Variants in PARP1 observed in about 807,000 individuals in gnomAD.
The protein encoded by PARP1 is poly [ADP-ribose] polymerase 1.
In PARP1, 44 loss-of-function variants were observed where a neutral mutation model predicts 118.7. That is an observed-to-expected ratio of 0.37 (90% confidence interval 0.29 to 0.48). The LOEUF is 0.48. Among genes scored for constraint, PARP1 ranks in the 20% least tolerant of loss-of-function variants. PARP1 has a pLI of 0.99. For synonymous variants in PARP1, 492 were observed against 483.2 expected (o/e 1.02, Z -0.24); for missense variants, 1,100 against 1,272.4 (o/e 0.86, Z 2.06).
rs147348031 is a variant in PARP1 at position 226,374,118 on chromosome 1, T to C, written c.2070+108A>G. On this transcript the variant is annotated intron_variant, in intron 14 of 22. Transcript: ENST00000366794. ...ACAGGTACAAGAAGCTGACAGCCAATGTATTGTTTTTGAAACAGAAACAAG... is the reference window on the plus strand; with the variant it reads ...ACAGGTACAAGAAGCTGACAGCCAACGTATTGTTTTTGAAACAGAAACAAG... 160 of 1,277,640 alleles carry C rather than the reference T, an allele frequency of 1.3e-4. 2 individuals carry two copies. The African/African-American group carries it at 1.6e-3, about 13-fold the overall frequency. 79.1% of individuals were successfully genotyped at this position (1,277,640 alleles called of 1,614,324 possible). A position where few individuals can be genotyped will look rare whatever the true frequency, so the allele number is the denominator to read the frequency against.
intron 15 of PARP1, 88 bp from the exon 16 acceptor site, chr1:226,368,409 G>C: frequency 6.4e-7 from 1 of 1,558,460 alleles, no homozygotes; most frequent in Non-Finnish European, 8.8e-7. Context: ...GGTGGGTGCT[G>C]CAGCAGGTCC....
At position 226,381,162 on chromosome 1, in the gene PARP1, G is replaced by C. The variant is rs1445213816; in HGVS notation, c.1206C>G (p.Ser402=). 5 of 1,614,048 alleles carry C rather than the reference G, an allele frequency of 3.1e-6. No individual in the cohort carries two copies. The highest frequency in any genetic ancestry group is 1.6e-4 in the Middle Eastern group (1 of 6,062). ...NMKILTLGKL[S]RNKDEVKAMI... ...TGGCCTTCACTTCATCCTTGTTCCGGGACAGCTTCCCGAGAGTCAGGATCT... is the reference window on the plus strand; with the variant it reads ...TGGCCTTCACTTCATCCTTGTTCCGCGACAGCTTCCCGAGAGTCAGGATCT... The change falls in exon 9 of 23, where the codon TCC becomes TCG. Residue 402 remains serine, a synonymous_variant. Transcript: ENST00000366794.
At chr1:226,396,302 C>A (rs569754128) in intron 2 of PARP1, among the ~76,000 whole-genome samples, 4 of 151,732 alleles carry the variant, frequency 2.6e-5, no homozygotes, top group Non-Finnish European at 2.9e-5. Flanking sequence ...GCCATGATTG[C>A]GCCACTGTAC....
chr1:226,392,463 T>C (rs1317655553), intron 2 of PARP1, 149 bp from the exon 3 acceptor site: 10 of 718,118 alleles, frequency 1.4e-5, no homozygotes, highest in African/African-American at 3.5e-5. Flanking sequence ...ATCTGTCTGT[T>C]TGTAACAACC....
intron 20 of PARP1, among the ~76,000 whole-genome samples, chr1:226,363,514 G>C (rs1247745894): frequency 6.6e-6 from 1 of 152,180 alleles, no homozygotes; most frequent in Non-Finnish European, 1.5e-5. Context: ...ACAGGACTAG[G>C]GTCGATGTCC....
chr1:226,389,123 G>A (rs1005401137), intron 4 of PARP1, among the ~76,000 whole-genome samples: 13 of 152,072 alleles, frequency 8.5e-5, no homozygotes, highest in Non-Finnish European at 1.9e-4. Context: ...GGTTCTAGCC[G>A]GGACTAGGCT....
In PARP1 at chr1:226,377,261, G is replaced by A. The variant is rs761065646; in HGVS notation, c.1788C>T (p.Ile596=). ...GCATCTGTTCCAGTTTGTTGCTACCGATCACCGTACCCACACGGCCCCAGG... is the reference window on the plus strand; with the variant it reads ...GCATCTGTTCCAGTTTGTTGCTACCAATCACCGTACCCACACGGCCCCAGG... The part of the protein sequence containing the change: ...FRSWGRVGTV[I]GSNKLEQMPS... The change falls in exon 13 of 23, where the codon ATC becomes ATT. Residue 596 remains isoleucine (I), a synonymous_variant. Transcript: ENST00000366794. 3.2e-5 allele frequency: 51 copies of A among 1,613,826 alleles called. No individual in the cohort carries two copies. Among genetic ancestry groups the A allele is most frequent in the African/African-American group, 4.0e-5 (3 of 74,878 alleles).
chr1:226,362,261 G>A, intron 21 of PARP1, 178 bp from the exon 22 acceptor site: 1 of 575,362 alleles, frequency 1.7e-6, no homozygotes, highest in Non-Finnish European at 3.1e-6. Context: ...CTTCAGCTCA[G>A]TGCAACCTCC....
At chr1:226,401,859 T>A (rs1665043956) in intron 2 of PARP1, 6 of 760,458 alleles carry the variant, frequency 7.9e-6, no homozygotes, top group Non-Finnish European at 1.2e-5. Flanking sequence ...ACAAATGTAC[T>A]ACTCTGGTGG....
At position 226,407,845 on chromosome 1, in the gene PARP1, G is replaced by C; in HGVS notation, c.85C>G (p.Pro29Ala). The C allele has an allele frequency of 6.3e-7, 1 of 1,599,628 alleles. No homozygotes were observed. Among genetic ancestry groups the C allele is most frequent in the East Asian group, 2.3e-5 (1 of 43,880 alleles). The change falls in exon 1 of 23, where the codon CCC becomes GCC. Residue 29 changes from proline to alanine, a missense_variant. Physicochemically the swap from Pro to Ala is conservative, Grantham distance 27. Coordinates refer to ENST00000366794, the MANE Select transcript of PARP1 (RefSeq NM_001618.4). ...ATGGCCATCCGGAGCGAGTCCTTGG[G>C]GATGCTCTCGCTGCATTTCTTGCAA... is the stretch of plus-strand genomic sequence containing the variant. ...ASCKKCSESI[P>A]KDSLRMAIMV...
chr1:226,365,836 T>A, intron 18 of PARP1, 118 bp downstream of exon 18: 3 of 713,190 alleles, frequency 4.2e-6, no homozygotes, highest in Non-Finnish European at 7.7e-6. Flanking sequence ...AATGAGTCAC[T>A]TCTTTGGGTT....
Position 226,388,717 on chromosome 1 carries a change from A to G in PARP1, c.656T>C (p.Val219Ala), listed in dbSNP as rs149927756. Residue 219 changes from valine (V) to alanine (A), a missense_variant, in exon 5 of 23, where the codon GTG (valine) becomes GCG (alanine). By Grantham distance (64) the Val-to-Ala change is moderately conservative. Coordinates refer to ENST00000366794, the MANE Select transcript of PARP1 (RefSeq NM_001618.4). Reference sequence around the variant, plus strand: ...TTCTTTTTTAGATTTCTTCTTCGCCACTTCATCCACTCCATCCACCTCATC... The same window carrying G: ...TTCTTTTTTAGATTTCTTCTTCGCCGCTTCATCCACTCCATCCACCTCATC... ...KGDEVDGVDE[V>A]AKKKSKKEKD... 324 of 1,614,068 alleles carry G rather than the reference A, an allele frequency of 2.0e-4. 1 individual carries two copies. In the African/African-American group the frequency reaches 4.0e-3, roughly 20 times the overall value.
At chr1:226,402,691 G>C (rs1299744764) in intron 1 of PARP1, among the ~76,000 whole-genome samples, 1 of 152,196 alleles carries the variant, frequency 6.6e-6, no homozygotes, top group Non-Finnish European at 1.5e-5. Flanking sequence ...CGTCCCTTTT[G>C]ACCACACACT....
chr1:226,397,755 A>G (rs1236411576), intron 2 of PARP1, among the ~76,000 whole-genome samples: 1 of 152,140 alleles, frequency 6.6e-6, no homozygotes. Flanking sequence ...ACACTACCCA[A>G]CCTAAAGACT....
rs1258407978 is a variant in PARP1 at position 226,379,212 on chromosome 1, G to T, written c.1675C>A (p.Leu559Met). The T allele has an allele frequency of 1.2e-6, 2 of 1,613,990 alleles. No individual in the cohort carries two copies. The highest frequency in any genetic ancestry group is 2.7e-5 in the African/African-American group (2 of 74,914). The part of the protein sequence containing the change: ...GGKVFSATLG[L>M]VDIVKGTNSY... ...TTGGTTCCTTTAACGATGTCCACCA[G>T]GCCAAGGGTGGCACTGAAGACCTTC... Residue 559 changes from leucine (L) to methionine (M), a missense_variant, in exon 12 of 23, where the codon CTG becomes ATG. Leu to Met is a conservative substitution (Grantham distance 15, BLOSUM62 2). Coordinates refer to ENST00000366794, the MANE Select transcript of PARP1 (RefSeq NM_001618.4).
intron 14 of PARP1, among the ~76,000 whole-genome samples, chr1:226,373,831 G>T (rs1268230198): frequency 6.6e-6 from 1 of 152,120 alleles, no homozygotes; most frequent in Non-Finnish European, 1.5e-5. Flanking sequence ...AAAATACAAA[G>T]GGTGGGCCGG....
chr1:226,374,124 G>A (rs1202935585), intron 14 of PARP1, 102 bp downstream of exon 14: 1 of 1,383,360 alleles, frequency 7.2e-7, no homozygotes, highest in Non-Finnish European at 1.0e-6. Context: ...CCAATGTATT[G>A]TTTTTGAAAC....
chr1:226,403,602 C>T (rs899454504), intron 1 of PARP1, among the ~76,000 whole-genome samples: 4 of 152,214 alleles, frequency 2.6e-5, no homozygotes, highest in African/African-American at 4.8e-5. Context: ...TGGGTGGGAA[C>T]CAGCCCTTTC....
At chr1:226,388,037 A>G (rs755572909) in intron 5 of PARP1, among the ~76,000 whole-genome samples, 4 of 152,214 alleles carry the variant, frequency 2.6e-5, no homozygotes, top group Non-Finnish European at 4.4e-5. Context: ...AGAGAGACCA[A>G]CTGTTCTCCC....
Sources: gnomAD v4.1 joint callset for allele counts (sites outside exome capture counted in the v4.1 genomes callset) on GRCh38, gnomAD v4.1.1 for gene constraint, MANE v1.5 for transcripts, NCBI Gene and HGNC (gene_info 2026-07-23, HGNC 2026-07-21) for gene names.